Variants in PARP16 observed in about 807,000 individuals in gnomAD.
The protein encoded by PARP16 is poly(ADP-ribose) polymerase family member 16, also known as protein mono-ADP-ribosyltransferase PARP16.
In PARP16, 31 loss-of-function variants were observed where a neutral mutation model predicts 35.0. That is an observed-to-expected ratio of 0.88 (90% CI 0.66 to 1.19). The LOEUF (loss-of-function observed/expected upper bound fraction) is 1.19. Among genes scored for constraint, PARP16 ranks in the 50% most tolerant of loss-of-function variants. The pLI is 0.00. For missense variants in PARP16, 424 were observed against 411.2 expected (o/e 1.03, Z -0.27); for synonymous variants, 162 against 169.5 (o/e 0.96, Z 0.34).
downstream of PARP16, among the ~76,000 whole-genome samples, chr15:65,255,366 G>GA (rs2089468533): frequency 6.6e-6 from 1 of 151,720 alleles, no homozygotes. Context: ...AAAATTAGAA[G>GA]AAAAAATGGT....
chr15:65,259,661 C>T, intron 5 of PARP16, 119 bp from the exon 6 acceptor site: 2 of 1,011,476 alleles, frequency 2.0e-6, no homozygotes, highest in Non-Finnish European at 2.9e-6. Flanking sequence ...TTGCCTGAGC[C>T]ATGAAATGAA....
At chr15:65,280,032 C>T (rs72731306) in intron 1 of PARP16, among the ~76,000 whole-genome samples, 1,809 of 152,038 alleles carry the variant, frequency 0.012, 31 homozygotes, top group Non-Finnish European at 0.016. Flanking sequence ...CATAGCGAGA[C>T]TCCTGCCTTT....
rs904732970 is a variant in PARP16 at position 65,243,509 on chromosome 15, C to T, written c.*97+4608G>A. 3.3e-5 allele frequency among the ~76,000 whole-genome samples: 5 copies of T among 152,282 alleles called. No individual in the cohort carries two copies. The East Asian group carries it at 9.7e-4, about 29-fold the overall frequency. ...CAAGTGATCCACCCTCCTTGACCTCCCAAAGTGCTGGGATTACAGGCGTGA... is the reference window on the plus strand; with the variant it reads ...CAAGTGATCCACCCTCCTTGACCTCTCAAAGTGCTGGGATTACAGGCGTGA... On this transcript the variant is annotated intron_variant and NMD_transcript_variant, in intron 3 of 3. Transcript: ENST00000559805.
intron 3 of PARP16, among the ~76,000 whole-genome samples, chr15:65,237,783 C>T (rs1455847652): frequency 2.0e-5 from 3 of 152,164 alleles, no homozygotes; most frequent in Admixed American, 1.3e-4. Context: ...TTCTAAGCTG[C>T]CCAGTCTGTG....
intron 3 of PARP16, among the ~76,000 whole-genome samples, chr15:65,240,323 A>AGTGTGTGTGTGTGTGTGTGT (rs34811236): frequency 8.3e-4 from 105 of 126,124 alleles, no homozygotes; most frequent in African/African-American, 2.9e-3. Flanking sequence ...GGGGGGGGCT[A>AGTGTGTGTGTGTGTGTGTGT]GTGTGTGTGT....
intron 1 of PARP16, among the ~76,000 whole-genome samples, chr15:65,277,329 C>T (rs764186923): frequency 4.9e-4 from 75 of 152,284 alleles, no homozygotes; most frequent in Middle Eastern, 3.4e-3. Flanking sequence ...TACAGCAGAG[C>T]CCCATGTTGG....
intron 2 of PARP16, among the ~76,000 whole-genome samples, chr15:65,269,127 C>A (rs1297600308): frequency 1.3e-5 from 2 of 151,870 alleles, no homozygotes; most frequent in Non-Finnish European, 1.5e-5. Context: ...CCCAGTTACC[C>A]AAGACAAGCC....
intron 1 of PARP16, among the ~76,000 whole-genome samples, chr15:65,282,292 A>T (rs774604971): frequency 8.5e-5 from 13 of 152,212 alleles, no homozygotes; most frequent in Non-Finnish European, 1.8e-4. Context: ...TACAGGTGTG[A>T]ACCACCGTGC....
intron 1 of PARP16, among the ~76,000 whole-genome samples, chr15:65,272,275 A>G (rs138688120): frequency 2.8e-4 from 43 of 152,344 alleles, no homozygotes; most frequent in African/African-American, 9.9e-4. Context: ...GACCTGTGAT[A>G]GGACTCAGCC....
chr15:65,258,746 G>C lies in PARP16; in HGVS notation c.*661C>G, dbSNP rs912817864. ...GGAAAAAGAGCAGTTTTCTCATCTT[G>C]AGTTGCTCATTAAGTCTGTATTTTT... On this transcript the variant is annotated 3_prime_UTR_variant, in exon 6 of 6. Coordinates refer to ENST00000649807, the MANE Select transcript of PARP16 (RefSeq NM_001316943.2). 1.3e-5 allele frequency: 2 copies of C among 150,770 alleles called. No individual in the cohort carries two copies. The highest frequency in any genetic ancestry group is 5.0e-5 in the African/African-American group (2 of 39,772). The allele number at this position is 150,770 out of a possible 1,614,324, so 9.3% of individuals were successfully genotyped here.
intron 1 of PARP16, chr15:65,282,414 G>C (rs2090446383): frequency 6.6e-6 from 1 of 152,166 alleles, no homozygotes; most frequent in African/African-American, 2.4e-5. Flanking sequence ...GTTAGACTTT[G>C]ATTCAGATAC....
chr15:65,273,511 T>C (rs556036381), intron 1 of PARP16, among the ~76,000 whole-genome samples: 1 of 151,978 alleles, frequency 6.6e-6, no homozygotes, highest in South Asian at 2.1e-4. Flanking sequence ...AATAAATAAA[T>C]GAAATTAAAA....
intron 3 of PARP16, among the ~76,000 whole-genome samples, chr15:65,243,103 T>G (rs1032354831): frequency 1.3e-5 from 2 of 152,222 alleles, no homozygotes; most frequent in African/African-American, 4.8e-5. Context: ...ACTTTTTTCT[T>G]TCCAAACTAT....
At chr15:65,271,386 A>T (rs756805418) in intron 1 of PARP16, among the ~76,000 whole-genome samples, 12 of 151,622 alleles carry the variant, frequency 7.9e-5, no homozygotes, top group Non-Finnish European at 1.3e-4. Context: ...CAATTCTCCC[A>T]CCTCAGCCTC....
At position 65,258,224 on chromosome 15, in the gene PARP16, T is replaced by C. The variant is rs2089572101; in HGVS notation, c.*1183A>G. On this transcript the variant is annotated 3_prime_UTR_variant, in exon 6 of 6. Coordinates refer to ENST00000649807, the MANE Select transcript of PARP16 (RefSeq NM_001316943.2). Reference sequence around the variant, plus strand: ...ATTTTTCCTCTTCTTTACAGAAATGTCACTCCCAAATCGTACCGGGCCCTA... The same window carrying C: ...ATTTTTCCTCTTCTTTACAGAAATGCCACTCCCAAATCGTACCGGGCCCTA... 6.6e-6 allele frequency: 1 copy of C among 152,384 alleles called. No homozygotes were observed. The highest frequency in any genetic ancestry group is 2.1e-4 in the South Asian group (1 of 4,832). 9.4% of individuals were successfully genotyped at this position (152,384 alleles called of 1,614,324 possible). A position where few individuals can be genotyped will look rare whatever the true frequency, so the allele number is the denominator to read the frequency against.
chr15:65,237,331 A>T (rs761202863), intron 3 of PARP16, among the ~76,000 whole-genome samples: 7 of 152,316 alleles, frequency 4.6e-5, no homozygotes, highest in Non-Finnish European at 8.8e-5. Context: ...TTTGTCAGTC[A>T]GTGGGTGTAA....
At position 65,258,643 on chromosome 15, in the gene PARP16, G is replaced by C. The variant is rs2089590360; in HGVS notation, c.*764C>G. The C allele has an allele frequency of 6.6e-6, 1 of 152,554 alleles. No homozygotes were observed. Among genetic ancestry groups the C allele is most frequent in the Non-Finnish European group, 1.5e-5 (1 of 68,030 alleles). The allele number at this position is 152,554 out of a possible 1,614,324, so 9.5% of individuals were successfully genotyped here. A position where few individuals can be genotyped will look rare whatever the true frequency, so the allele number is the denominator to read the frequency against. Reference sequence around the variant, plus strand: ...CCTTTTACTCAGCAAAGACTAATTTGTTAAACAGCTATTAAAAAAAAATCA... The same window carrying C: ...CCTTTTACTCAGCAAAGACTAATTTCTTAAACAGCTATTAAAAAAAAATCA... On this transcript the variant is annotated 3_prime_UTR_variant, in exon 6 of 6. Coordinates refer to ENST00000649807, the MANE Select transcript of PARP16 (RefSeq NM_001316943.2).
downstream of PARP16, among the ~76,000 whole-genome samples, chr15:65,233,771 A>T (rs899687234): frequency 7.2e-5 from 11 of 152,138 alleles, no homozygotes; most frequent in Non-Finnish European, 1.2e-4. Flanking sequence ...TTAAATTGCA[A>T]ATAGGTTAGA....
At chr15:65,272,664 G>A (rs2090129189) in intron 1 of PARP16, among the ~76,000 whole-genome samples, 3 of 152,102 alleles carry the variant, frequency 2.0e-5, no homozygotes, top group African/African-American at 7.2e-5. Context: ...TCCAAGTATG[G>A]CCAGACACCT....
Sources: allele counts gnomAD v4.1 joint callset (sites outside exome capture counted in the v4.1 genomes callset), GRCh38; gene constraint gnomAD v4.1.1; transcripts MANE v1.5; gene names NCBI Gene and HGNC (gene_info 2026-07-23, HGNC 2026-07-21).